RYR3: variants seen among roughly 807,000 people sequenced by gnomAD.
RYR3 encodes the protein brain ryanodine receptor-calcium release channel.
RYR3 carries 207 observed loss-of-function variants against 584.3 expected under a neutral mutation model. The ratio of observed to expected loss-of-function variants is 0.35; its 90% CI spans 0.32 to 0.40. The LOEUF (loss-of-function observed/expected upper bound fraction) is 0.40. RYR3 is among the 10% of genes least tolerant of loss of function. The pLI, the probability that RYR3 is intolerant of heterozygous loss-of-function variation, is 1.00. For synonymous variants in RYR3, 2,416 were observed against 2,248.5 expected (o/e 1.07, Z -2.11); for missense variants, 5,616 against 6,089.2 (o/e 0.92, Z 2.59).
At chr15:33,502,393 G>C (rs1267431910) in intron 2 of RYR3, among the ~76,000 whole-genome samples, 1 of 152,182 alleles carries the variant, frequency 6.6e-6, no homozygotes, top group South Asian at 2.1e-4. Context: ...CATGGAAACA[G>C]CTTTACCTGT....
Position 33,750,009 on chromosome 15 carries a change from C to T in RYR3, c.8230C>T (p.His2744Tyr), listed in dbSNP as rs1305695469. 1.9e-6 allele frequency: 3 copies of T among 1,612,494 alleles called. No individual in the cohort carries two copies. Among genetic ancestry groups the T allele is most frequent in the Non-Finnish European group, 2.5e-6 (3 of 1,179,436 alleles). The change falls in exon 56 of 104, where the codon CAC becomes TAC. Residue 2744 changes from histidine to tyrosine, a missense_variant. His to Tyr is a moderately conservative substitution (Grantham distance 83). This residue lies in a region of RYR3 where 1,280 missense variants were observed against 1,426.2 expected (regional missense o/e 0.90). Transcript: ENST00000634891. ...GGTGGAGGTCGTGGCTGAGAACTAT[C>T]ACAATATCTGGGCCAAGAAGAAGAA... ...GMVEVVAENY[H>Y]NIWAKKKKLE...
chr15:33,498,236 G>C (rs992224543), intron 2 of RYR3, among the ~76,000 whole-genome samples: 6 of 152,092 alleles, frequency 3.9e-5, no homozygotes, highest in African/African-American at 1.4e-4. Context: ...TGGATCATAT[G>C]GTAGTTGTGT....
In RYR3 at chr15:33,843,771, G is replaced by A. The variant is rs536956562; in HGVS notation, c.13296+197G>A. ...GACTACTGACAAGAGAGCCAGTGAG[G>A]GGACTATTTCAATAGTTCATGCTTA... On this transcript the variant is annotated intron_variant, in intron 92 of 103. Transcript: ENST00000634891. Among the ~76,000 whole-genome samples the A allele has an allele frequency of 2.0e-5, 3 of 152,300 alleles. No homozygotes were observed. In the East Asian group the frequency reaches 5.8e-4, roughly 29 times the overall value.
intron 38 of RYR3, among the ~76,000 whole-genome samples, chr15:33,685,088 C>T (rs1458042708): frequency 6.6e-6 from 1 of 152,186 alleles, no homozygotes; most frequent in Admixed American, 6.5e-5. Context: ...CAAATTCACA[C>T]ATGACAATAT....
At chr15:33,458,667 T>C (rs1351346356) in intron 1 of RYR3, among the ~76,000 whole-genome samples, 4 of 152,222 alleles carry the variant, frequency 2.6e-5, no homozygotes, top group African/African-American at 7.2e-5. Context: ...CTCTTGATGA[T>C]TCACTTAAAG....
intron 14 of RYR3, among the ~76,000 whole-genome samples, chr15:33,584,112 C>G (rs2058724646): frequency 6.6e-6 from 1 of 152,008 alleles, no homozygotes; most frequent in Non-Finnish European, 1.5e-5. Flanking sequence ...GTGGTGCATG[C>G]CTGTAGTCTC....
At chr15:33,505,835 T>A (rs2052438017) in intron 3 of RYR3, among the ~76,000 whole-genome samples, 1 of 152,128 alleles carries the variant, frequency 6.6e-6, no homozygotes, top group Admixed American at 6.5e-5. Flanking sequence ...TTCCAAGATG[T>A]ATCATATAAA....
intron 1 of RYR3, among the ~76,000 whole-genome samples, chr15:33,460,508 G>GTAT (rs1441307716): frequency 1.3e-5 from 2 of 152,196 alleles, no homozygotes; most frequent in Admixed American, 1.3e-4. Context: ...AAGCTTTCTT[G>GTAT]TATTCTGAGG....
At chr15:33,433,670 T>C (rs940026956) in intron 1 of RYR3, among the ~76,000 whole-genome samples, 6 of 152,252 alleles carry the variant, frequency 3.9e-5, no homozygotes, top group Non-Finnish European at 8.8e-5. Context: ...AAATTACTTT[T>C]AGTATTAGAA....
At position 33,536,226 on chromosome 15, in the gene RYR3, C is replaced by T. The variant is rs539227920; in HGVS notation, c.433+2837C>T. Among the ~76,000 whole-genome samples the T allele has an allele frequency of 6.6e-5, 10 of 152,258 alleles. No individual in the cohort carries two copies. In the South Asian group the frequency reaches 1.9e-3, roughly 28 times the overall value. On this transcript the variant is annotated intron_variant, in intron 5 of 103. Coordinates refer to ENST00000634891, the MANE Select transcript of RYR3 (RefSeq NM_001036.6). Reference sequence around the variant, plus strand: ...AAACTGCCCAGTAGTGGAGTTGAAACTATAGGAGAATATGAGGAGAAAGTT... The same window carrying T: ...AAACTGCCCAGTAGTGGAGTTGAAATTATAGGAGAATATGAGGAGAAAGTT...
chr15:33,450,095 A>G (rs1471950151), intron 1 of RYR3, among the ~76,000 whole-genome samples: 1 of 115,764 alleles, frequency 8.6e-6, no homozygotes, highest in Admixed American at 7.8e-5. Context: ...CCTAAAAAAA[A>G]AAAAAAAAAA....
At chr15:33,671,748 A>G (rs1049928107) in intron 38 of RYR3, among the ~76,000 whole-genome samples, 19 of 149,668 alleles carry the variant, frequency 1.3e-4, no homozygotes, top group African/African-American at 4.5e-4. Context: ...TATGTCTCCT[A>G]TATCACCTGC....
chr15:33,862,944 C>T (rs1888958127), intron 102 of RYR3, among the ~76,000 whole-genome samples: 1 of 152,220 alleles, frequency 6.6e-6, no homozygotes, highest in East Asian at 1.9e-4. Context: ...AAAAAGATAA[C>T]TTTACTGTGC....
intron 7 of RYR3, among the ~76,000 whole-genome samples, chr15:33,542,766 A>G (rs867872046): frequency 1.3e-5 from 2 of 152,118 alleles, no homozygotes; most frequent in South Asian, 2.1e-4. Flanking sequence ...CATTGGGTAT[A>G]TTAAGTTCAT....
intron 1 of RYR3, among the ~76,000 whole-genome samples, chr15:33,314,852 T>G (rs1437072101): frequency 2.6e-5 from 4 of 151,758 alleles, no homozygotes; most frequent in Non-Finnish European, 2.9e-5. Context: ...AGGCGGAGCC[T>G]GCAGTGAGCC....
intron 3 of RYR3, among the ~76,000 whole-genome samples, chr15:33,517,421 T>C (rs1269776170): frequency 6.6e-6 from 1 of 152,262 alleles, no homozygotes; most frequent in African/African-American, 2.4e-5. Context: ...GGAAACTCGC[T>C]GTAATGTAAC....
chr15:33,567,578 T>G (rs979107753), intron 12 of RYR3, among the ~76,000 whole-genome samples: 2 of 152,172 alleles, frequency 1.3e-5, no homozygotes, highest in Non-Finnish European at 2.9e-5. Context: ...CAGAGTAAAC[T>G]TGTACTTCTT....
At chr15:33,633,205 T>C (rs2061349616) in intron 24 of RYR3, 97 bp downstream of exon 24, 1 of 1,321,814 alleles carries the variant, frequency 7.6e-7, no homozygotes, top group African/African-American at 1.5e-5. Context: ...AAGGAAGAGT[T>C]TGCCTTTGCA....
chr15:33,690,587 T>A (rs2065349946), intron 38 of RYR3, among the ~76,000 whole-genome samples: 1 of 152,188 alleles, frequency 6.6e-6, no homozygotes, highest in Non-Finnish European at 1.5e-5. Context: ...GCTTTCTAGG[T>A]TCATGTCTCA....
Sources: gnomAD v4.1 joint callset for allele counts (sites outside exome capture counted in the v4.1 genomes callset) on GRCh38, gnomAD v4.1.1 for gene constraint, gnomAD v4.1.1 regional missense constraint, MANE v1.5 for transcripts, NCBI Gene and HGNC (gene_info 2026-07-23, HGNC 2026-07-21) for gene names.